NRG1: variants seen among roughly 807,000 people sequenced by gnomAD.
The protein encoded by NRG1 is pro-neuregulin-1, membrane-bound isoform.
Under a neutral mutation model 63.8 loss-of-function variants are expected in NRG1, and 18 were observed. That is an observed-to-expected ratio of 0.28 (90% CI 0.19 to 0.42). The LOEUF (loss-of-function observed/expected upper bound fraction) is 0.42, where lower values mean the gene tolerates loss of function less well. Among genes scored for constraint, NRG1 ranks in the 10% least tolerant of loss-of-function variants. The probability of loss-of-function intolerance (pLI) is 1.00; values close to 1 mark genes in which losing one functional copy is unlikely to be tolerated. For missense variants in NRG1, 762 were observed against 814.7 expected, an observed-to-expected ratio of 0.94 and a Z score of 0.79; for synonymous variants, 302 against 301.3, an observed-to-expected ratio of 1.00 and a Z score of -0.02.
At chr8:32,561,526 C>CTT (rs35235317) in intron 1 of NRG1, among the ~76,000 whole-genome samples, 2 of 151,926 alleles carry the variant, frequency 1.3e-5, no homozygotes, top group Non-Finnish European at 2.9e-5. Flanking sequence ...CGCTCTTAAA[C>CTT]TTTTTTTAGC....
chr8:32,475,821 A>G lies in NRG1; in HGVS notation c.38-120007A>G, dbSNP rs963120122. Among the ~76,000 whole-genome samples, 32 of 152,234 alleles carry G rather than the reference A, an allele frequency of 2.1e-4. 1 individual carries two copies. The highest frequency in any genetic ancestry group is 3.2e-3 in the Middle Eastern group (1 of 316). On this transcript the variant is annotated intron_variant, in intron 1 of 10. Coordinates refer to the NRG1 transcript ENST00000519301. ...TGAAAATGTTGGTTCTATCACTCAC[A>G]GGTTCTGTGATGTTAGGGAAGTTAA...
At chr8:32,698,671 G>A (rs1033279346) in intron 5 of NRG1, among the ~76,000 whole-genome samples, 7 of 152,160 alleles carry the variant, frequency 4.6e-5, no homozygotes, top group African/African-American at 1.7e-4. Flanking sequence ...GTTCAGGATG[G>A]CCTTAGCACC....
chr8:31,685,903 T>C (rs1204679418), intron 1 of NRG1, among the ~76,000 whole-genome samples: 1 of 152,208 alleles, frequency 6.6e-6, no homozygotes, highest in Admixed American at 6.5e-5. Flanking sequence ...CTTCAGTTAA[T>C]GAACATTTGG....
rs75928908 is a variant in NRG1 at position 32,505,308 on chromosome 8, A to T, written c.38-90520A>T. On this transcript the variant is annotated intron_variant, in intron 1 of 10. Transcript: ENST00000519301. ...GAGCTATCCAGTCTAACCATGATACACTTGTTTCCTTCTTTCAACTTGATC... is the reference window on the plus strand; with the variant it reads ...GAGCTATCCAGTCTAACCATGATACTCTTGTTTCCTTCTTTCAACTTGATC... 2.5e-4 allele frequency among the ~76,000 whole-genome samples: 38 copies of T among 152,260 alleles called. No homozygotes were observed. In the East Asian group the frequency reaches 5.4e-3, roughly 22 times the overall value.
chr8:32,523,862 C>A lies in NRG1; in HGVS notation c.38-71966C>A, dbSNP rs149672330. On this transcript the variant is annotated intron_variant, in intron 1 of 10. Transcript: ENST00000519301. Reference sequence around the variant, plus strand: ...TGTCTCTGAATAACTAACTAACTAACTAACTAAATAAATAAATAAAAATAG... The same window carrying A: ...TGTCTCTGAATAACTAACTAACTAAATAACTAAATAAATAAATAAAAATAG... Among the ~76,000 whole-genome samples the A allele has an allele frequency of 3.5e-3, 539 of 152,044 alleles. 5 individuals are homozygous for A. The highest frequency in any genetic ancestry group is 0.011 in the African/African-American group (457 of 41,440).
chr8:32,647,723 G>T, intron 5 of NRG1: 1 of 1,564,498 alleles, frequency 6.4e-7, no homozygotes, highest in Non-Finnish European at 8.7e-7. Flanking sequence ...AGCCGATGGA[G>T]ATTTATTCCC....
chr8:31,791,591 C>T (rs1443500702), intron 1 of NRG1, among the ~76,000 whole-genome samples: 5 of 152,144 alleles, frequency 3.3e-5, no homozygotes, highest in Non-Finnish European at 7.4e-5. Flanking sequence ...TCTCAGTAGA[C>T]CAAACTTAGA....
At chr8:31,904,022 A>G (rs1832317725) in intron 1 of NRG1, among the ~76,000 whole-genome samples, 1 of 152,122 alleles carries the variant, frequency 6.6e-6, no homozygotes, top group Admixed American at 6.5e-5. Flanking sequence ...TCTTCTAAAA[A>G]CTCAGTTTCC....
At chr8:32,443,475 G>T (rs1449900338) in intron 1 of NRG1, among the ~76,000 whole-genome samples, 1 of 152,150 alleles carries the variant, frequency 6.6e-6, no homozygotes, top group Non-Finnish European at 1.5e-5. Context: ...AGGTGAACCT[G>T]GTTAAGAAAT....
At chr8:32,575,233 A>G (rs1333630272) in intron 1 of NRG1, among the ~76,000 whole-genome samples, 1 of 152,120 alleles carries the variant, frequency 6.6e-6, no homozygotes, top group Non-Finnish European at 1.5e-5. Context: ...TCTTCATGAT[A>G]TGTCATTCTT....
At chr8:32,328,591 G>A (rs1802284001) in intron 1 of NRG1, among the ~76,000 whole-genome samples, 2 of 151,972 alleles carry the variant, frequency 1.3e-5, no homozygotes, top group Non-Finnish European at 2.9e-5. Flanking sequence ...CACCTCTCTG[G>A]GGAGTATGTA....
At chr8:31,878,473 CAG>C (rs1830096033) in intron 1 of NRG1, among the ~76,000 whole-genome samples, 3 of 152,252 alleles carry the variant, frequency 2.0e-5, no homozygotes, top group African/African-American at 7.2e-5. Flanking sequence ...GCAGTATACT[CAG>C]GGGAATTTGC....
intron 5 of NRG1, among the ~76,000 whole-genome samples, chr8:32,719,955 AG>A (rs1189200451): frequency 4.6e-5 from 7 of 152,124 alleles, no homozygotes; most frequent in African/African-American, 7.2e-5. Flanking sequence ...ATTTCATCAA[AG>A]GTTGATTCGG....
chr8:32,299,261 C>CA lies in NRG1; in HGVS notation c.38-296560dup, dbSNP rs1471517003. Among the ~76,000 whole-genome samples the CA allele has an allele frequency of 4.6e-5, 7 of 151,636 alleles. No homozygotes were observed. The East Asian group carries it at 1.4e-3, about 29-fold the overall frequency. ...GAGCCATTGTTTCCCTAAGAATTAC[C>CA]AAAAAAATAAAAACAGAAAGCAAAA... On this transcript the variant is annotated intron_variant, in intron 1 of 10. Coordinates refer to the NRG1 transcript ENST00000519301.
intron 1 of NRG1, among the ~76,000 whole-genome samples, chr8:31,978,874 G>A (rs992010782): frequency 2.0e-5 from 3 of 152,154 alleles, no homozygotes; most frequent in African/African-American, 4.8e-5. Flanking sequence ...CATGGTGCCT[G>A]TCTATTGCCA....
intron 1 of NRG1, among the ~76,000 whole-genome samples, chr8:32,201,115 C>T (rs1467858972): frequency 4.6e-5 from 7 of 152,184 alleles, no homozygotes; most frequent in Non-Finnish European, 1.0e-4. Context: ...TTCAGGCAGT[C>T]TCCATTTTAA....
chr8:32,683,487 C>T (rs1461472753), intron 5 of NRG1, among the ~76,000 whole-genome samples: 1 of 152,160 alleles, frequency 6.6e-6, no homozygotes, highest in African/African-American at 2.4e-5. Context: ...CACTTTTCGG[C>T]ATAGTAGCTT....
intron 1 of NRG1, among the ~76,000 whole-genome samples, chr8:32,169,762 C>A (rs907364594): frequency 6.6e-6 from 1 of 152,120 alleles, no homozygotes; most frequent in African/African-American, 2.4e-5. Flanking sequence ...ATGGGTAACA[C>A]AAAAGCAAAC....
downstream of NRG1, among the ~76,000 whole-genome samples, chr8:32,772,037 ATATGTATATATATATATATATAT>A (rs1831849999): frequency 2.7e-5 from 3 of 112,710 alleles, 1 homozygote; most frequent in African/African-American, 1.1e-4. Flanking sequence ...AAAAAAAAAA[ATATGTATATATATATATATATAT>A]ATATATATAT....
Sources: gnomAD v4.1 joint callset for allele counts (sites outside exome capture counted in the v4.1 genomes callset) on GRCh38, gnomAD v4.1.1 for gene constraint, MANE v1.5 for transcripts, NCBI Gene and HGNC (gene_info 2026-07-23, HGNC 2026-07-21) for gene names.